The following HSD17B4 variants were observed in gnomAD, a reference collection of about 807,000 sequenced individuals.
HSD17B4 encodes the protein peroxisomal multifunctional enzyme type 2.
A neutral mutation model predicts 101.0 loss-of-function variants in HSD17B4; 70 were observed. The ratio of observed to expected loss-of-function variants is 0.69; its 90% CI spans 0.57 to 0.85. The LOEUF is 0.85. HSD17B4 is among the 40% of genes least tolerant of loss of function. The pLI is 0.00. For synonymous variants in HSD17B4, 347 were observed against 297.1 expected, an observed-to-expected ratio of 1.17 and a Z score of -1.73; for missense variants, 984 against 892.4, an observed-to-expected ratio of 1.10 and a Z score of -1.31.
intron 2 of HSD17B4, among the ~76,000 whole-genome samples, 173 bp from the exon 3 acceptor site, chr5:119,473,735 A>C (rs577724087): frequency 6.6e-6 from 1 of 152,278 alleles, no homozygotes; most frequent in East Asian, 1.9e-4. Context: ...AATGAAGAGG[A>C]ATGTTTTGAA....
At chr5:119,518,945 G>A (rs923261871) in intron 17 of HSD17B4, among the ~76,000 whole-genome samples, 3 of 151,754 alleles carry the variant, frequency 2.0e-5, no homozygotes, top group African/African-American at 7.3e-5. Flanking sequence ...ACCAGCCTGG[G>A]GCAAGAACTT....
chr5:119,483,666 GA>G (rs1384168525), intron 8 of HSD17B4, among the ~76,000 whole-genome samples: 3 of 152,222 alleles, frequency 2.0e-5, no homozygotes, highest in African/African-American at 7.2e-5. Flanking sequence ...TAAGAGTAAA[GA>G]AAGTTAAGAA....
In HSD17B4 at chr5:119,493,863, A is replaced by G. The variant is rs984796709; in HGVS notation, c.785A>G (p.His262Arg). 6.2e-7 allele frequency: 1 copy of G among 1,613,150 alleles called. No individual in the cohort carries two copies. The highest frequency in any genetic ancestry group is 1.3e-5 in the African/African-American group (1 of 74,996). The stretch of plus-strand genomic sequence containing the variant: ...GGAGCTATTGTAAGACAAAAGAATC[A>G]CCCAATGACTCCTGAGGCAGTCAAG... ...TLGAIVRQKN[H>R]PMTPEAVKAN... is the part of the protein sequence containing the mutation. The change falls in exon 11 of 24, where the codon CAC (histidine) becomes CGC (arginine). Residue 262 changes from histidine to arginine, a missense_variant. By Grantham distance (29) the His-to-Arg change is conservative. Transcript: ENST00000510025.
intron 1 of HSD17B4, among the ~76,000 whole-genome samples, chr5:119,454,424 G>A (rs1396058924): frequency 1.3e-5 from 2 of 151,602 alleles, no homozygotes; most frequent in African/African-American, 2.4e-5. Flanking sequence ...TTTTGCATCA[G>A]CTTCCAGACT....
chr5:119,500,821 A>G (rs1448281319), intron 13 of HSD17B4, among the ~76,000 whole-genome samples: 1 of 152,152 alleles, frequency 6.6e-6, no homozygotes, highest in East Asian at 1.9e-4. Flanking sequence ...AAGTGTGTCA[A>G]GAAGGAGGAG....
rs748928199 is a variant in HSD17B4, at chr5:119,536,395, C to A, written c.1994-28C>A. 3 of 1,606,522 alleles carry A rather than the reference C, an allele frequency of 1.9e-6. No homozygotes were observed. In the African/African-American group the frequency reaches 4.0e-5, roughly 22 times the overall value. On this transcript the variant is annotated intron_variant, in intron 22 of 23. Transcript: ENST00000510025. ...TCATTTTGTTGGAGAGAAAAAGATA[C>A]ACATTGGTTTCTTCCTATTTTTCCC...
intron 15 of HSD17B4, 90 bp from the exon 16 acceptor site, chr5:119,509,051 C>A: frequency 1.3e-6 from 1 of 775,736 alleles, no homozygotes; most frequent in Non-Finnish European, 2.3e-6. Flanking sequence ...GTTTTTGAAA[C>A]CTTGACAGGA....
At chr5:119,516,847 A>G (rs1752652918) in intron 17 of HSD17B4, among the ~76,000 whole-genome samples, 1 of 152,274 alleles carries the variant, frequency 6.6e-6, no homozygotes, top group Non-Finnish European at 1.5e-5. Flanking sequence ...ATGTTTAAAT[A>G]CAAGGCTTTG....
At chr5:119,495,883 TC>T (rs1416064252) in intron 11 of HSD17B4, 1 of 153,610 alleles carries the variant, frequency 6.5e-6, no homozygotes, top group African/African-American at 2.4e-5. Context: ...TATGGTTTTG[TC>T]TGAGTTCAGA....
chr5:119,483,971 A>T (rs1314217024), intron 8 of HSD17B4, among the ~76,000 whole-genome samples: 1 of 152,168 alleles, frequency 6.6e-6, no homozygotes, highest in Non-Finnish European at 1.5e-5. Context: ...CTAAGGATCC[A>T]AACAAGGTCC....
At chr5:119,541,513 T>C (rs1299025395) in intron 23 of HSD17B4, among the ~76,000 whole-genome samples, 1 of 152,322 alleles carries the variant, frequency 6.6e-6, no homozygotes, top group South Asian at 2.1e-4. Context: ...TTCATGAAAC[T>C]GTAGTAAATA....
At chr5:119,461,979 A>C (rs1424337507) in intron 2 of HSD17B4, among the ~76,000 whole-genome samples, 1 of 152,206 alleles carries the variant, frequency 6.6e-6, no homozygotes, top group East Asian at 1.9e-4. Context: ...AATCTTCTGT[A>C]GTTAATAGAC....
chr5:119,502,056 C>A lies in HSD17B4; in HGVS notation c.1225C>A (p.Gln409Lys). 6.2e-7 allele frequency: 1 copy of A among 1,604,036 alleles called. No individual in the cohort carries two copies. Among genetic ancestry groups the A allele is most frequent in the Non-Finnish European group, 8.5e-7 (1 of 1,171,030 alleles). The stretch of plus-strand genomic sequence containing the variant: ...CCTAACATAGGTTCTTCATGGAGAG[C>A]AGTACTTAGAGTTATATAAACCACT... ...INFAKVLHGE[Q>K]YLELYKPLPR... Residue 409 changes from glutamine to lysine, a missense_variant, in exon 14 of 24, where the codon CAG becomes AAG. Gln to Lys is a moderately conservative substitution (Grantham distance 53). Transcript: ENST00000510025.
chr5:119,453,135 C>T (rs1754249840), intron 1 of HSD17B4, among the ~76,000 whole-genome samples: 1 of 152,212 alleles, frequency 6.6e-6, no homozygotes, highest in African/African-American at 2.4e-5. Flanking sequence ...CGTGAGAGGA[C>T]CTTCTTTAAA....
At position 119,477,442 on chromosome 5, in the gene HSD17B4, G is replaced by C. The variant is rs745646107; in HGVS notation, c.375G>C (p.Arg125=). The change falls in exon 7 of 24, where the codon CGG becomes CGC. Residue 125 remains arginine, a synonymous_variant. Transcript: ENST00000510025. ...ATATAATCCACAGAGTTCATTTGCG[G>C]GGTTCATTCCAAGTGACACGGGCAG... ...DWDIIHRVHL[R]GSFQVTRAAW... The C allele has an allele frequency of 2.5e-6, 4 of 1,611,796 alleles. No homozygotes were observed. The South Asian group carries it at 4.4e-5, about 18-fold the overall frequency.
At chr5:119,498,322 G>A (rs1750834967) in intron 12 of HSD17B4, among the ~76,000 whole-genome samples, 1 of 152,170 alleles carries the variant, frequency 6.6e-6, no homozygotes, top group Admixed American at 6.5e-5. Flanking sequence ...TTTAGGCTCT[G>A]TGGGCTACAT....
chr5:119,478,840 T>C lies in HSD17B4; in HGVS notation c.441T>C (p.Ile147=). The part of the protein sequence containing the change: ...HMKKQKYGRI[I]MTSSASGIYG... ...AGATTGATTTTCTTTTTAGGATTATTATGACTTCATCAGCTTCAGGAATAT... is the reference window on the plus strand; with the variant it reads ...AGATTGATTTTCTTTTTAGGATTATCATGACTTCATCAGCTTCAGGAATAT... Residue 147 remains isoleucine, a synonymous_variant, in exon 8 of 24, where the codon ATT becomes ATC. Transcript: ENST00000510025. 1 of 1,612,420 alleles carries C rather than the reference T, an allele frequency of 6.2e-7. No individual in the cohort carries two copies. The highest frequency in any genetic ancestry group is 8.5e-7 in the Non-Finnish European group (1 of 1,178,662).
At chr5:119,534,239 T>C (rs1261291031) in intron 22 of HSD17B4, among the ~76,000 whole-genome samples, 2 of 152,078 alleles carry the variant, frequency 1.3e-5, no homozygotes, top group East Asian at 1.9e-4. Flanking sequence ...GTTGGCAAGA[T>C]ACTATGGATT....
At chr5:119,466,471 C>T (rs78704027) in intron 2 of HSD17B4, among the ~76,000 whole-genome samples, 6,264 of 152,116 alleles carry the variant, frequency 0.041, 430 homozygotes, top group African/African-American at 0.14. Flanking sequence ...TTTTTATACC[C>T]GCTTCAATCT....
Sources: allele counts gnomAD v4.1 joint callset (sites outside exome capture counted in the v4.1 genomes callset), GRCh38; gene constraint gnomAD v4.1.1; transcripts MANE v1.5; gene names NCBI Gene and HGNC (gene_info 2026-07-23, HGNC 2026-07-21).